ERC1: variants seen among roughly 807,000 people sequenced by gnomAD.
ERC1 encodes the protein RAB6 interacting protein 2.
In ERC1, 56 loss-of-function variants were observed where a neutral mutation model predicts 132.0. The ratio of observed to expected loss-of-function variants is 0.42; its 90% CI spans 0.34 to 0.53. The LOEUF is 0.53. Ranked by LOEUF, ERC1 falls within the 20% of genes least tolerant of loss-of-function variation. The pLI is 0.03. For synonymous variants in ERC1, 478 were observed against 476.1 expected (o/e 1.00, Z -0.05); for missense variants, 1,202 against 1,349.9 (o/e 0.89, Z 1.72).
At chr12:1,268,853 G>A (rs941642535) in intron 14 of ERC1, among the ~76,000 whole-genome samples, 32 of 152,258 alleles carry the variant, frequency 2.1e-4, no homozygotes, top group African/African-American at 7.0e-4. Context: ...AGCTAGAAGC[G>A]TCTAGGAAAC....
intron 2 of ERC1, among the ~76,000 whole-genome samples, chr12:1,077,091 AT>A (rs763312438): frequency 4.6e-5 from 7 of 152,332 alleles, no homozygotes; most frequent in East Asian, 1.9e-4. Context: ...TCAGAAAAAA[AT>A]GTTCTTAATT....
intron 3 of ERC1, among the ~76,000 whole-genome samples, chr12:1,104,102 A>G (rs1944976011): frequency 1.3e-5 from 2 of 149,768 alleles, no homozygotes; most frequent in South Asian, 2.1e-4. Flanking sequence ...TTCCTTTTCT[A>G]TCCTGAACTC....
chr12:1,263,486 A>G (rs758143542), intron 14 of ERC1, among the ~76,000 whole-genome samples: 7 of 152,196 alleles, frequency 4.6e-5, no homozygotes, highest in Non-Finnish European at 8.8e-5. Flanking sequence ...AAGAATTGAA[A>G]TAAAGTTGTA....
intron 12 of ERC1, among the ~76,000 whole-genome samples, chr12:1,196,275 T>C (rs1024008661): frequency 2.0e-5 from 3 of 152,130 alleles, no homozygotes; most frequent in Non-Finnish European, 4.4e-5. Flanking sequence ...CCCAAATGCC[T>C]GGAACAGATC....
intron 13 of ERC1, among the ~76,000 whole-genome samples, chr12:1,242,914 G>A (rs1193600183): frequency 5.9e-5 from 9 of 152,194 alleles, no homozygotes; most frequent in Non-Finnish European, 1.2e-4. Flanking sequence ...GAGGCCGGGC[G>A]CGGTGGCTCA....
chr12:1,236,120 A>G (rs2075396848), intron 12 of ERC1, among the ~76,000 whole-genome samples: 1 of 151,438 alleles, frequency 6.6e-6, no homozygotes, highest in East Asian at 1.9e-4. Flanking sequence ...ACTATAAATG[A>G]ACAGTTCATA....
At chr12:1,266,391 CTTTTTTTT>C (rs71293128) in intron 14 of ERC1, among the ~76,000 whole-genome samples, 35 of 43,004 alleles carry the variant, frequency 8.1e-4, no homozygotes, top group African/African-American at 3.5e-3. Context: ...CGTTTCCTGT[CTTTTTTTT>C]TTTTTTTTTT....
intron 13 of ERC1, among the ~76,000 whole-genome samples, chr12:1,254,354 A>C (rs982022648): frequency 2.0e-5 from 3 of 152,142 alleles, no homozygotes; most frequent in Admixed American, 6.5e-5. Context: ...ACTTAGTCTT[A>C]TTCCCCTAGG....
intron 2 of ERC1, among the ~76,000 whole-genome samples, chr12:1,057,429 A>T (rs1973173897): frequency 6.6e-6 from 1 of 152,102 alleles, no homozygotes; most frequent in African/African-American, 2.4e-5. Flanking sequence ...CCCAGCCTGT[A>T]TATCTTCTTT....
At chr12:1,210,093 G>T (rs1194283402) in intron 12 of ERC1, among the ~76,000 whole-genome samples, 1 of 152,210 alleles carries the variant, frequency 6.6e-6, no homozygotes, top group East Asian at 1.9e-4. Context: ...GTGGAACAAA[G>T]TGACAAGAAA....
At chr12:1,359,200 G>T (rs2085835660) in intron 15 of ERC1, among the ~76,000 whole-genome samples, 1 of 152,166 alleles carries the variant, frequency 6.6e-6, no homozygotes. Context: ...TTGTAGCATG[G>T]TGAGGGGTTG....
chr12:1,052,989 C>T (rs1972300307), intron 2 of ERC1, among the ~76,000 whole-genome samples: 1 of 151,592 alleles, frequency 6.6e-6, no homozygotes, highest in African/African-American at 2.4e-5. Flanking sequence ...AAAAAATTGT[C>T]AGCTGCAATC....
chr12:1,156,341 C>G (rs902623898), intron 8 of ERC1, among the ~76,000 whole-genome samples: 6 of 152,020 alleles, frequency 3.9e-5, no homozygotes, highest in African/African-American at 1.5e-4. Flanking sequence ...CAGGTTCAAA[C>G]AGTTCTCTCC....
intron 15 of ERC1, among the ~76,000 whole-genome samples, chr12:1,334,778 T>C (rs2083171428): frequency 6.6e-6 from 1 of 152,188 alleles, no homozygotes; most frequent in Non-Finnish European, 1.5e-5. Context: ...ATGTCATTGG[T>C]AGTTTGATAG....
intron 15 of ERC1, among the ~76,000 whole-genome samples, chr12:1,342,664 C>T (rs925551552): frequency 4.6e-5 from 7 of 151,986 alleles, no homozygotes; most frequent in East Asian, 1.9e-4. Flanking sequence ...GAGAAGAGAG[C>T]GTTGCGCGTA....
chr12:1,158,900 T>TA (rs1314643198), intron 8 of ERC1, among the ~76,000 whole-genome samples: 3 of 152,158 alleles, frequency 2.0e-5, no homozygotes, highest in African/African-American at 4.8e-5. Flanking sequence ...ATTTCAGAGA[T>TA]ACAAAAATGT....
intron 12 of ERC1, chr12:1,204,399 C>T: frequency 1.1e-6 from 1 of 952,318 alleles, no homozygotes; most frequent in Non-Finnish European, 1.6e-6. Flanking sequence ...TCTAATCCTG[C>T]ATTTTATGAT....
intron 5 of ERC1, among the ~76,000 whole-genome samples, 173 bp from the exon 6 acceptor site, chr12:1,112,042 A>G (rs1445664176): frequency 3.3e-5 from 1 of 30,578 alleles, no homozygotes; most frequent in Non-Finnish European, 7.2e-5. Flanking sequence ...TGGGGGGAAA[A>G]AACCTGTGAA....
chr12:1,353,487 T>TA (rs145035286), intron 15 of ERC1, among the ~76,000 whole-genome samples: 1 of 152,134 alleles, frequency 6.6e-6, no homozygotes, highest in Non-Finnish European at 1.5e-5. Flanking sequence ...TGCAGGATAA[T>TA]AAAAAATATA....
Sources: allele counts gnomAD v4.1 joint callset (sites outside exome capture counted in the v4.1 genomes callset), GRCh38; gene constraint gnomAD v4.1.1; transcripts MANE v1.5; gene names NCBI Gene and HGNC (gene_info 2026-07-23, HGNC 2026-07-21).